The following PDE4B variants were observed in gnomAD, a reference collection of about 807,000 sequenced individuals.
PDE4B encodes 3',5'-cyclic-AMP phosphodiesterase 4B.
In PDE4B, 20 loss-of-function variants were observed where a neutral mutation model predicts 82.2. The observed-to-expected ratio is 0.24, with a 90% CI of 0.17 to 0.35. PDE4B has a LOEUF of 0.35. Ranked by LOEUF, PDE4B falls within the 10% of genes least tolerant of loss-of-function variation. The pLI, the probability that PDE4B is intolerant of heterozygous loss-of-function variation, is 1.00. For synonymous variants in PDE4B, 320 were observed against 318.9 expected, an observed-to-expected ratio of 1.00 and a Z score of -0.04; for missense variants, 655 against 907.2, an observed-to-expected ratio of 0.72 and a Z score of 3.57.
chr1:65,819,470 A>G (rs943091996), intron 1 of PDE4B, among the ~76,000 whole-genome samples: 2 of 150,078 alleles, frequency 1.3e-5, no homozygotes, highest in African/African-American at 4.9e-5. Context: ...ACGAATATCC[A>G]TTCTCTGCTT....
intron 3 of PDE4B, among the ~76,000 whole-genome samples, chr1:66,245,538 G>T (rs1653241601): frequency 1.3e-5 from 2 of 152,160 alleles, no homozygotes; most frequent in Admixed American, 6.5e-5. Flanking sequence ...AGGGAAGTTT[G>T]CAAGTCGCTT....
chr1:66,017,843 T>A (rs571482080), intron 3 of PDE4B, among the ~76,000 whole-genome samples: 44 of 152,000 alleles, frequency 2.9e-4, no homozygotes, highest in East Asian at 1.6e-3. Context: ...AAAAAATATA[T>A]ATATATATAT....
At chr1:65,801,908 G>A (rs1450109880) in intron 1 of PDE4B, among the ~76,000 whole-genome samples, 3 of 152,184 alleles carry the variant, frequency 2.0e-5, no homozygotes, top group Non-Finnish European at 4.4e-5. Flanking sequence ...AAGGAGGAGT[G>A]TAAAGGTGAA....
chr1:65,884,655 A>C (rs921463638), intron 1 of PDE4B, among the ~76,000 whole-genome samples: 1 of 152,346 alleles, frequency 6.6e-6, no homozygotes. Flanking sequence ...CTGGCTAGCC[A>C]TATGTAGAAA....
intron 3 of PDE4B, among the ~76,000 whole-genome samples, chr1:65,935,633 A>G (rs1299036171): frequency 1.3e-5 from 2 of 152,218 alleles, no homozygotes; most frequent in African/African-American, 2.4e-5. Flanking sequence ...ACTTTTTATG[A>G]TAATACTTAG....
chr1:66,358,061 C>A (rs1048298603), intron 9 of PDE4B, among the ~76,000 whole-genome samples: 91 of 152,196 alleles, frequency 6.0e-4, no homozygotes, highest in African/African-American at 2.2e-3. Flanking sequence ...ATAAAGCCTT[C>A]TTCATAAACT....
intron 8 of PDE4B, among the ~76,000 whole-genome samples, chr1:66,348,609 G>T (rs1661585888): frequency 6.6e-6 from 1 of 150,932 alleles, no homozygotes; most frequent in Non-Finnish European, 1.5e-5. Context: ...GTATGGCCTG[G>T]AAATCCAATC....
chr1:65,994,780 T>C (rs1446252552), intron 3 of PDE4B, among the ~76,000 whole-genome samples: 2 of 152,136 alleles, frequency 1.3e-5, no homozygotes, highest in Non-Finnish European at 2.9e-5. Flanking sequence ...ATAAGTCTTC[T>C]TAAACCCTTG....
intron 3 of PDE4B, among the ~76,000 whole-genome samples, chr1:65,936,962 T>C (rs908188591): frequency 1.3e-5 from 2 of 152,184 alleles, no homozygotes; most frequent in Non-Finnish European, 2.9e-5. Context: ...AATGATACCA[T>C]AGAATTATTA....
At chr1:66,099,609 C>T (rs1000917020) in intron 3 of PDE4B, among the ~76,000 whole-genome samples, 2 of 152,014 alleles carry the variant, frequency 1.3e-5, no homozygotes, top group Non-Finnish European at 2.9e-5. Flanking sequence ...TTTTGGCAAT[C>T]CTAAACACAT....
chr1:66,179,143 G>T (rs1326748907), intron 3 of PDE4B, among the ~76,000 whole-genome samples: 1 of 152,166 alleles, frequency 6.6e-6, no homozygotes, highest in Non-Finnish European at 1.5e-5. Flanking sequence ...GAGCCACCAT[G>T]CCCGGCCCTT....
intron 1 of PDE4B, among the ~76,000 whole-genome samples, chr1:65,862,012 C>T (rs941279833): frequency 6.6e-6 from 1 of 151,312 alleles, no homozygotes; most frequent in Non-Finnish European, 1.5e-5. Context: ...TGTTTGACTA[C>T]CCCCCTTCCT....
chr1:66,335,160 T>A (rs1660420987), intron 8 of PDE4B, among the ~76,000 whole-genome samples: 1 of 152,222 alleles, frequency 6.6e-6, no homozygotes, highest in East Asian at 1.9e-4. Context: ...CCAGTGTAAA[T>A]CTCTGAGTTG....
intron 1 of PDE4B, among the ~76,000 whole-genome samples, chr1:65,903,415 ACATG>A (rs1646992966): frequency 8.4e-6 from 1 of 118,394 alleles, no homozygotes; most frequent in Admixed American, 9.7e-5. Flanking sequence ...ATGCACACAC[ACATG>A]CACACACACA....
At chr1:65,837,796 G>A (rs1344389272) in intron 1 of PDE4B, among the ~76,000 whole-genome samples, 1 of 141,170 alleles carries the variant, frequency 7.1e-6, no homozygotes, top group African/African-American at 2.8e-5. Flanking sequence ...AGGTAAACTT[G>A]TGTGTGTGTG....
At chr1:65,853,250 T>C (rs1196027156) in intron 1 of PDE4B, among the ~76,000 whole-genome samples, 1 of 152,126 alleles carries the variant, frequency 6.6e-6, no homozygotes, top group African/African-American at 2.4e-5. Context: ...TTCCTTATAA[T>C]GTATCTATAA....
chr1:65,916,462 C>T (rs567908967), intron 2 of PDE4B, among the ~76,000 whole-genome samples: 11 of 152,008 alleles, frequency 7.2e-5, no homozygotes, highest in Middle Eastern at 3.4e-3. Flanking sequence ...GGGTGGTTGG[C>T]GGTTTAGCTA....
At chr1:66,233,165 C>T (rs1652124461) in intron 3 of PDE4B, among the ~76,000 whole-genome samples, 1 of 152,152 alleles carries the variant, frequency 6.6e-6, no homozygotes, top group Admixed American at 6.6e-5. Flanking sequence ...AGGAAACTAC[C>T]TATCTTCTTT....
chr1:66,203,581 G>T (rs1244409462), intron 3 of PDE4B, among the ~76,000 whole-genome samples: 1 of 151,818 alleles, frequency 6.6e-6, no homozygotes, highest in African/African-American at 2.4e-5. Flanking sequence ...TTCCCTTCTT[G>T]CTTCGTTTCA....
Sources: allele counts gnomAD v4.1 joint callset (sites outside exome capture counted in the v4.1 genomes callset), GRCh38; gene constraint gnomAD v4.1.1; transcripts MANE v1.5; gene names NCBI Gene and HGNC (gene_info 2026-07-23, HGNC 2026-07-21).